The following TAOK1 variants were observed in gnomAD, a reference collection of about 807,000 sequenced individuals.
The protein encoded by TAOK1 is serine/threonine-protein kinase TAO1.
Under a neutral mutation model 138.3 loss-of-function variants are expected in TAOK1, and 21 were observed. The observed-to-expected ratio is 0.15, with a 90% CI of 0.11 to 0.22. The LOEUF is 0.22. Among genes scored for constraint, TAOK1 ranks in the 10% least tolerant of loss-of-function variants. The pLI, the probability that TAOK1 is intolerant of heterozygous loss-of-function variation, is 1.00. For synonymous variants in TAOK1, 361 were observed against 398.4 expected (o/e 0.91, Z 1.12); for missense variants, 651 against 1,227.7 (o/e 0.53, Z 7.02).
chr17:29,462,844 G>A (rs546562306), intron 2 of TAOK1, among the ~76,000 whole-genome samples: 1 of 152,016 alleles, frequency 6.6e-6, no homozygotes, highest in African/African-American at 2.4e-5. Flanking sequence ...TTCTGTTCCC[G>A]TTTTTCTCTC....
At chr17:29,435,552 C>G (rs1371980392) in intron 1 of TAOK1, among the ~76,000 whole-genome samples, 3 of 152,074 alleles carry the variant, frequency 2.0e-5, no homozygotes, top group Non-Finnish European at 4.4e-5. Flanking sequence ...CTTAAGGTCC[C>G]AAGATAAACT....
chr17:29,401,849 C>T (rs1904855518), intron 1 of TAOK1, among the ~76,000 whole-genome samples: 1 of 151,992 alleles, frequency 6.6e-6, no homozygotes, highest in African/African-American at 2.4e-5. Flanking sequence ...CGGGGTTTCG[C>T]CATGTTGGCC....
At chr17:29,448,649 C>A (rs7217677) in intron 1 of TAOK1, among the ~76,000 whole-genome samples, 24,359 of 152,176 alleles carry the variant, frequency 0.16, 2,071 homozygotes, top group Admixed American at 0.21. Flanking sequence ...TGCTATTCTG[C>A]ATTTTCTCTG....
At chr17:29,415,113 G>A (rs1034770459) in intron 1 of TAOK1, among the ~76,000 whole-genome samples, 1 of 151,978 alleles carries the variant, frequency 6.6e-6, no homozygotes, top group Non-Finnish European at 1.5e-5. Flanking sequence ...GGGATTACAG[G>A]TGCGTGCTAC....
intron 17 of TAOK1, among the ~76,000 whole-genome samples, chr17:29,529,024 T>C (rs1245210271): frequency 6.7e-6 from 1 of 149,236 alleles, no homozygotes; most frequent in African/African-American, 2.5e-5. Flanking sequence ...CAGCCTAGAG[T>C]CCAATGATGC....
At chr17:29,482,842 G>C (rs1011321623) in intron 8 of TAOK1, among the ~76,000 whole-genome samples, 1 of 151,796 alleles carries the variant, frequency 6.6e-6, no homozygotes, top group Admixed American at 6.6e-5. Flanking sequence ...GAGAGAGAGA[G>C]AGAGATTGGA....
chr17:29,483,247 T>G (rs1275514322), intron 8 of TAOK1, among the ~76,000 whole-genome samples: 1 of 151,874 alleles, frequency 6.6e-6, no homozygotes. Flanking sequence ...CAGGCTAATT[T>G]TTGTATTTTT....
rs965004534 is a variant in TAOK1 at position 29,517,593 on chromosome 17, C to T, written c.1845C>T (p.Cys615=). 3 of 1,613,504 alleles carry T rather than the reference C, an allele frequency of 1.9e-6. No homozygotes were observed. In the African/African-American group the frequency reaches 4.0e-5, roughly 22 times the overall value. Residue 615 remains cysteine (C), a synonymous_variant, in exon 16 of 20, where the codon TGC becomes TGT. Coordinates refer to ENST00000261716, the MANE Select transcript of TAOK1 (RefSeq NM_020791.4). ...AAAGACAATACCTAGAGCTGGAATG[C>T]CGTCGCTTCAAGAGAAGAATGTTAC... The part of the protein sequence containing the change: ...RRQRQYLELE[C]RRFKRRMLLG...
rs1376709261 is a variant in TAOK1, at chr17:29,390,593, G to A, written c.-526G>A. The A allele has an allele frequency of 6.6e-6, 1 of 152,076 alleles. No individual in the cohort carries two copies. The highest frequency in any genetic ancestry group is 1.5e-5 in the Non-Finnish European group (1 of 68,128). 9.4% of individuals were successfully genotyped at this position (152,076 alleles called of 1,614,324 possible). A position where few individuals can be genotyped will look rare whatever the true frequency, so the allele number is the denominator to read the frequency against. On this transcript the variant is annotated 5_prime_UTR_variant, in exon 1 of 20. Coordinates refer to ENST00000261716, the MANE Select transcript of TAOK1 (RefSeq NM_020791.4). ...CCCGCGGCCTCTCTTCCCTTTGTGAGCGCCTCCTTACCAGGGGTGGTGTTG... is the reference window on the plus strand; with the variant it reads ...CCCGCGGCCTCTCTTCCCTTTGTGAACGCCTCCTTACCAGGGGTGGTGTTG...
intron 2 of TAOK1, among the ~76,000 whole-genome samples, chr17:29,458,981 A>G (rs1416946611): frequency 2.0e-5 from 3 of 151,976 alleles, no homozygotes; most frequent in South Asian, 2.1e-4. Flanking sequence ...TGGCCTCCCA[A>G]CGTGCTGAGA....
intron 3 of TAOK1, among the ~76,000 whole-genome samples, chr17:29,471,276 CTTTTTT>C (rs759764241): frequency 2.4e-5 from 2 of 81,846 alleles, no homozygotes; most frequent in South Asian, 4.1e-4. Context: ...TATTTTCTTT[CTTTTTT>C]TTTTTTTTTT....
Position 29,465,128 on chromosome 17 carries a change from A to ATTTTTT in TAOK1, c.133-1993_133-1988dup, listed in dbSNP as rs57794003. On this transcript the variant is annotated intron_variant, in intron 2 of 19. Coordinates refer to ENST00000261716, the MANE Select transcript of TAOK1 (RefSeq NM_020791.4). ...AAGCCACCATGCCTGGTCTTATTTA[A>ATTTTTT]TTTTTTTTTTTTTTTTTTTTTTTTT... 1.3e-3 allele frequency among the ~76,000 whole-genome samples: 83 copies of ATTTTTT among 63,162 alleles called. 1 individual carries two copies. The highest frequency in any genetic ancestry group is 1.5e-3 in the Non-Finnish European group (51 of 34,754). The allele number at this position is 63,162 out of a possible 152,430, so 41.4% of individuals were successfully genotyped here. A position where few individuals can be genotyped will look rare whatever the true frequency, so the allele number is the denominator to read the frequency against.
intron 19 of TAOK1, among the ~76,000 whole-genome samples, chr17:29,536,345 C>T (rs909208951): frequency 1.3e-5 from 2 of 150,092 alleles, no homozygotes; most frequent in African/African-American, 4.9e-5. Flanking sequence ...CACCTGTAAT[C>T]CCAGCACTTT....
intron 3 of TAOK1, among the ~76,000 whole-genome samples, chr17:29,468,454 C>T (rs2030735901): frequency 6.6e-6 from 1 of 151,470 alleles, no homozygotes; most frequent in Non-Finnish European, 1.5e-5. Flanking sequence ...TTTAAACTGT[C>T]ATTTTAAATA....
In TAOK1 at chr17:29,545,987, A is replaced by G. The variant is rs2032397893; in HGVS notation, c.*2965A>G. ...ATTTTTTTTGGTTAGCATTTTAAAA[A>G]TGCAAAGCCACATACTTTGAAATAT... On this transcript the variant is annotated 3_prime_UTR_variant, in exon 20 of 20. Transcript: ENST00000261716. 1 of 152,140 alleles carries G rather than the reference A, an allele frequency of 6.6e-6. No individual in the cohort carries two copies. The highest frequency in any genetic ancestry group is 1.5e-5 in the Non-Finnish European group (1 of 67,984). 9.4% of individuals were successfully genotyped at this position (152,140 alleles called of 1,614,324 possible).
chr17:29,484,029 A>C (rs1270908619), intron 8 of TAOK1, among the ~76,000 whole-genome samples: 1 of 152,096 alleles, frequency 6.6e-6, no homozygotes, highest in East Asian at 1.9e-4. Flanking sequence ...GATTTCATTG[A>C]TATATTTTAA....
chr17:29,428,535 TTAC>T (rs1231833819), intron 1 of TAOK1, among the ~76,000 whole-genome samples: 2 of 152,208 alleles, frequency 1.3e-5, no homozygotes, highest in African/African-American at 4.8e-5. Flanking sequence ...TCTGGCTCTG[TTAC>T]TTAGTAGCTA....
At chr17:29,397,815 GTA>G (rs1470110763) in intron 1 of TAOK1, among the ~76,000 whole-genome samples, 1 of 149,600 alleles carries the variant, frequency 6.7e-6, no homozygotes, top group South Asian at 2.1e-4. Context: ...ATGTATATAT[GTA>G]TATACATGTA....
chr17:29,452,648 C>T (rs932065576), intron 2 of TAOK1, among the ~76,000 whole-genome samples: 43 of 152,182 alleles, frequency 2.8e-4, no homozygotes, highest in African/African-American at 9.9e-4. Context: ...TCACCCTCCA[C>T]CCAGCCCCTG....
Sources: gnomAD v4.1 joint callset for allele counts (sites outside exome capture counted in the v4.1 genomes callset) on GRCh38, gnomAD v4.1.1 for gene constraint, MANE v1.5 for transcripts, NCBI Gene and HGNC (gene_info 2026-07-23, HGNC 2026-07-21) for gene names.